PHACTR2: variants seen among roughly 807,000 people sequenced by gnomAD.
PHACTR2 encodes phosphatase and actin regulator 2.
Under a neutral mutation model 76.0 loss-of-function variants are expected in PHACTR2, and 30 were observed. That is an observed-to-expected ratio of 0.39 (90% CI 0.30 to 0.54). The LOEUF is 0.54. PHACTR2 is among the 20% of genes least tolerant of loss of function. PHACTR2 has a pLI of 0.61. For synonymous variants in PHACTR2, 292 were observed against 292.5 expected (o/e 1.00, Z 0.02); for missense variants, 696 against 781.1 (o/e 0.89, Z 1.30).
chr6:143,736,936 A>G (rs1047502498), intron 2 of PHACTR2, among the ~76,000 whole-genome samples: 1 of 151,852 alleles, frequency 6.6e-6, no homozygotes, highest in Non-Finnish European at 1.5e-5. Context: ...GTGTTTTCAC[A>G]TGTGGAAATA....
chr6:143,692,054 TA>T (rs1490647871), intron 1 of PHACTR2, among the ~76,000 whole-genome samples: 5 of 152,188 alleles, frequency 3.3e-5, no homozygotes, highest in Admixed American at 1.3e-4. Flanking sequence ...TGGGGTCTCT[TA>T]AAAGCTTTTT....
Position 143,787,781 on chromosome 6 carries a change from C to A in PHACTR2, c.1708-992C>A, listed in dbSNP as rs145135914. Among the ~76,000 whole-genome samples, 192 of 152,202 alleles carry A rather than the reference C, an allele frequency of 1.3e-3. 1 individual carries two copies. In the East Asian group the frequency reaches 0.021, roughly 17 times the overall value. On this transcript the variant is annotated intron_variant, in intron 10 of 12. Transcript: ENST00000440869. This position sits in a 1 kb window ranked among gnomAD's most constrained non-coding sequence, Gnocchi z 4.6. ...TAAATAAAAAAAAAATAAGCAATAT[C>A]TCCGGAGAGGACCACTTAGATGATG...
rs1775732894 is a variant in PHACTR2 at position 143,595,029 on chromosome 6, A to G, written c.217+57822A>G. On this transcript the variant is annotated intron_variant, in intron 1 of 11. Coordinates refer to the PHACTR2 transcript ENST00000367584. This position sits in a 1 kb window ranked among gnomAD's most constrained non-coding sequence, Gnocchi z 4.2. ...TACATAATGATTTTATGAATAACAT[A>G]CAGCTTCCTAAAATCAGTCTTTTTC... 6.6e-6 allele frequency among the ~76,000 whole-genome samples: 1 copy of G among 152,250 alleles called. No homozygotes were observed. Among genetic ancestry groups the G allele is most frequent in the South Asian group, 2.1e-4 (1 of 4,836 alleles).
rs918001711 is a variant in PHACTR2 at position 143,823,405 on chromosome 6, G to A, written c.1923-269G>A. Among the ~76,000 whole-genome samples the A allele has an allele frequency of 6.6e-6, 1 of 152,158 alleles. No homozygotes were observed. The highest frequency in any genetic ancestry group is 2.4e-5 in the African/African-American group (1 of 41,446). ...TGATGTTTTCTGTCTTGGTTGCTGT[G>A]TAACTTGAATACTATAACCAGCATC... is the stretch of plus-strand genomic sequence containing the variant. On this transcript the variant is annotated intron_variant, in intron 12 of 12. Coordinates refer to ENST00000440869, the MANE Select transcript of PHACTR2 (RefSeq NM_001100164.2). This position sits in a 1 kb window ranked among gnomAD's most constrained non-coding sequence, Gnocchi z 5.7.
chr6:143,602,606 A>C lies in PHACTR2; in HGVS notation c.217+65399A>C, dbSNP rs1775824946. ...TCAGCTTTTGGCTCCCTGCTCATTCATCGAAATGGTCAGCTAGCTTCTTGT... is the reference window on the plus strand; with the variant it reads ...TCAGCTTTTGGCTCCCTGCTCATTCCTCGAAATGGTCAGCTAGCTTCTTGT... On this transcript the variant is annotated intron_variant, in intron 1 of 11. Coordinates refer to the PHACTR2 transcript ENST00000367584. This position sits in a 1 kb window ranked among gnomAD's most constrained non-coding sequence, Gnocchi z 6.1. Among the ~76,000 whole-genome samples, 1 of 152,188 alleles carries C rather than the reference A, an allele frequency of 6.6e-6. No individual in the cohort carries two copies. Among genetic ancestry groups the C allele is most frequent in the Admixed American group, 6.5e-5 (1 of 15,284 alleles).
rs190973909 is a variant in PHACTR2, at chr6:143,678,878, C to G, written c.46+669C>G. On this transcript the variant is annotated intron_variant, in intron 1 of 12. Coordinates refer to ENST00000440869, the MANE Select transcript of PHACTR2 (RefSeq NM_001100164.2). The surrounding 1 kb of genome is among the most constrained non-coding windows in gnomAD (Gnocchi z 6.2). ...GCTCTGTTTTAAAAGTTTCTTTTTT[C>G]CATTTTCTTAAACAAAAAGAGGGAA... Among the ~76,000 whole-genome samples, 2 of 151,244 alleles carry G rather than the reference C, an allele frequency of 1.3e-5. No homozygotes were observed. The highest frequency in any genetic ancestry group is 1.3e-4 in the Admixed American group (2 of 15,238).
Position 143,782,818 on chromosome 6 carries a change from G to A in PHACTR2, c.1646-401G>A, listed in dbSNP as rs995759577. Reference sequence around the variant, plus strand: ...ATATGTCTCAGATTTTCACACGAAGGCCAGATCCAGAAGTAAATTTTTATC... The same window carrying A: ...ATATGTCTCAGATTTTCACACGAAGACCAGATCCAGAAGTAAATTTTTATC... On this transcript the variant is annotated intron_variant, in intron 9 of 12. Coordinates refer to ENST00000440869, the MANE Select transcript of PHACTR2 (RefSeq NM_001100164.2). This position sits in a 1 kb window ranked among gnomAD's most constrained non-coding sequence, Gnocchi z 4.6. Among the ~76,000 whole-genome samples, 28 of 152,124 alleles carry A rather than the reference G, an allele frequency of 1.8e-4. No homozygotes were observed. Among genetic ancestry groups the A allele is most frequent in the Admixed American group, 6.5e-4 (10 of 15,270 alleles).
In PHACTR2 at chr6:143,580,083, T is replaced by C. The variant is rs1445776730; in HGVS notation, c.217+42876T>C. Among the ~76,000 whole-genome samples, 1 of 152,162 alleles carries C rather than the reference T, an allele frequency of 6.6e-6. No homozygotes were observed. The highest frequency in any genetic ancestry group is 2.4e-5 in the African/African-American group (1 of 41,424). ...AGGGCAGCTCACAACATGACCACTG[T>C]CTTCTCTCAGCATGAGCCAGAAAGA... On this transcript the variant is annotated intron_variant, in intron 1 of 11. Transcript: ENST00000367584. The surrounding 1 kb of genome is among the most constrained non-coding windows in gnomAD (Gnocchi z 4.2).
At chr6:143,715,489 C>G (rs991301744) in intron 2 of PHACTR2, among the ~76,000 whole-genome samples, 4 of 152,204 alleles carry the variant, frequency 2.6e-5, no homozygotes, top group Non-Finnish European at 5.9e-5. Flanking sequence ...TATTTGAGGA[C>G]AGCATGTTAA....
chr6:143,639,398 A>G lies in PHACTR2; in HGVS notation c.13+31076A>G, dbSNP rs891036382. On this transcript the variant is annotated intron_variant, in intron 1 of 11. Coordinates refer to the PHACTR2 transcript ENST00000305766. This position sits in a 1 kb window ranked among gnomAD's most constrained non-coding sequence, Gnocchi z 5.0. ...CATTGCTCAAAACATTTCAAAAATTACTAAGTGAAAGCATATTCAGAGCCA... is the reference window on the plus strand; with the variant it reads ...CATTGCTCAAAACATTTCAAAAATTGCTAAGTGAAAGCATATTCAGAGCCA... Among the ~76,000 whole-genome samples, 4 of 152,244 alleles carry G rather than the reference A, an allele frequency of 2.6e-5. No homozygotes were observed. Among genetic ancestry groups the G allele is most frequent in the African/African-American group, 9.6e-5 (4 of 41,468 alleles).
intron 1 of PHACTR2, among the ~76,000 whole-genome samples, chr6:143,573,030 A>G (rs1342759122): frequency 6.6e-6 from 1 of 152,238 alleles, no homozygotes; most frequent in Admixed American, 6.5e-5. Context: ...TGTCCTTACA[A>G]AACTGGCAAG....
At position 143,549,268 on chromosome 6, in the gene PHACTR2, T is replaced by C. The variant is rs1775051677; in HGVS notation, c.217+12061T>C. ...CTAGGTCTCTTCCCAAATGGAACAA[T>C]ATGGTAGTGAGGCCAGTTCAAACCC... On this transcript the variant is annotated intron_variant, in intron 1 of 11. Coordinates refer to the PHACTR2 transcript ENST00000367584. This position sits in a 1 kb window ranked among gnomAD's most constrained non-coding sequence, Gnocchi z 4.2. 6.6e-6 allele frequency among the ~76,000 whole-genome samples: 1 copy of C among 151,932 alleles called. No homozygotes were observed. Among genetic ancestry groups the C allele is most frequent in the Non-Finnish European group, 1.5e-5 (1 of 67,952 alleles).
rs1051663921 is a variant in PHACTR2 at position 143,570,239 on chromosome 6, C to T, written c.217+33032C>T. 1.3e-5 allele frequency among the ~76,000 whole-genome samples: 2 copies of T among 152,112 alleles called. No homozygotes were observed. The highest frequency in any genetic ancestry group is 2.4e-5 in the African/African-American group (1 of 41,404). ...TGACATTTTTAGAAATAATGATTTG[C>T]TTTGCTGATATTAAAAAACGAGGTT... On this transcript the variant is annotated intron_variant, in intron 1 of 11. Transcript: ENST00000367584. This position sits in a 1 kb window ranked among gnomAD's most constrained non-coding sequence, Gnocchi z 4.6.
intron 6 of PHACTR2, among the ~76,000 whole-genome samples, chr6:143,769,868 A>G (rs1582861281): frequency 2.0e-5 from 3 of 152,220 alleles, no homozygotes; most frequent in Non-Finnish European, 4.4e-5. Flanking sequence ...AAAAACCCAG[A>G]CTGTGGAAAA....
At chr6:143,713,889 G>A (rs1030300758) in intron 2 of PHACTR2, among the ~76,000 whole-genome samples, 4 of 152,206 alleles carry the variant, frequency 2.6e-5, no homozygotes, top group Non-Finnish European at 5.9e-5. Flanking sequence ...CAAGATGGGA[G>A]CAGGGCTCCA....
rs1445714430 is a variant in PHACTR2 at position 143,597,437 on chromosome 6, T to C, written c.217+60230T>C. 6.6e-6 allele frequency among the ~76,000 whole-genome samples: 1 copy of C among 152,142 alleles called. No homozygotes were observed. Among genetic ancestry groups the C allele is most frequent in the East Asian group, 1.9e-4 (1 of 5,200 alleles). On this transcript the variant is annotated intron_variant, in intron 1 of 11. Transcript: ENST00000367584. This position sits in a 1 kb window ranked among gnomAD's most constrained non-coding sequence, Gnocchi z 5.7. The stretch of plus-strand genomic sequence containing the variant: ...AATATCATCCTCTACCCACAGACCA[T>C]CCTAAAAATAAAGTGAAATCCCTAC...
At chr6:143,572,896 A>G (rs1467148549) in intron 1 of PHACTR2, among the ~76,000 whole-genome samples, 1 of 152,216 alleles carries the variant, frequency 6.6e-6, no homozygotes, top group Non-Finnish European at 1.5e-5. Context: ...TCTTACTGCT[A>G]TGAATCTATT....
At chr6:143,644,183 T>G (rs1776614764) in intron 1 of PHACTR2, among the ~76,000 whole-genome samples, 1 of 152,174 alleles carries the variant, frequency 6.6e-6, no homozygotes, top group African/African-American at 2.4e-5. Context: ...TTCAGCTTAT[T>G]TGCCAAAGAA....
chr6:143,620,904 C>G (rs1685973601), intron 1 of PHACTR2, among the ~76,000 whole-genome samples: 1 of 152,224 alleles, frequency 6.6e-6, no homozygotes, highest in South Asian at 2.1e-4. Context: ...CAAAACACAA[C>G]TGTCCCCATC....
Sources: allele counts gnomAD v4.1 joint callset (sites outside exome capture counted in the v4.1 genomes callset), GRCh38; gene constraint gnomAD v4.1.1; non-coding constraint Gnocchi (gnomAD v3.1); transcripts MANE v1.5; gene names NCBI Gene and HGNC (gene_info 2026-07-23, HGNC 2026-07-21).